The following MIPOL1 variants were observed in gnomAD, a reference collection of about 807,000 sequenced individuals.
MIPOL1 encodes the protein mirror-image polydactyly 1.
In MIPOL1, 57 loss-of-function variants were observed where a neutral mutation model predicts 60.9. The ratio of observed to expected loss-of-function variants is 0.94; its 90% CI spans 0.76 to 1.17. MIPOL1 has a LOEUF of 1.17. MIPOL1 is among the 50% of genes most tolerant of loss of function. The probability of loss-of-function intolerance (pLI) is 0.00; values close to 1 mark genes in which losing one functional copy is unlikely to be tolerated. For synonymous variants in MIPOL1, 179 were observed against 168.8 expected (o/e 1.06, Z -0.47); for missense variants, 551 against 511.6 (o/e 1.08, Z -0.74).
intron 11 of MIPOL1, among the ~76,000 whole-genome samples, chr14:37,465,077 A>G (rs2094582541): frequency 6.6e-6 from 1 of 152,212 alleles, no homozygotes. Context: ...AAATAACTTT[A>G]TAATAAACAT....
chr14:37,225,232 A>G (rs571478095), intron 1 of MIPOL1, among the ~76,000 whole-genome samples: 1 of 152,210 alleles, frequency 6.6e-6, no homozygotes, highest in Admixed American at 6.5e-5. Context: ...GGTCTAGAAG[A>G]TGGTGGCCCT....
At chr14:37,272,766 ATATGT>A (rs771768154) in intron 6 of MIPOL1, among the ~76,000 whole-genome samples, 1 of 151,596 alleles carries the variant, frequency 6.6e-6, no homozygotes, top group Non-Finnish European at 1.5e-5. Context: ...ATTTGGCAAA[ATATGT>A]TATAAGCACG....
At chr14:37,472,838 A>G (rs1219051939) in intron 11 of MIPOL1, among the ~76,000 whole-genome samples, 2 of 152,154 alleles carry the variant, frequency 1.3e-5, no homozygotes, top group Non-Finnish European at 2.9e-5. Flanking sequence ...CCTGCCCAGT[A>G]TGTTTTCTCA....
At chr14:37,434,011 A>G (rs1332614162) in intron 11 of MIPOL1, among the ~76,000 whole-genome samples, 1 of 152,156 alleles carries the variant, frequency 6.6e-6, no homozygotes, top group African/African-American at 2.4e-5. Flanking sequence ...ATGTGTCTTT[A>G]TCATAAAATG....
chr14:37,229,900 CAG>C (rs1262550416), intron 1 of MIPOL1, among the ~76,000 whole-genome samples: 4 of 151,988 alleles, frequency 2.6e-5, no homozygotes, highest in African/African-American at 7.2e-5. Context: ...TGATGGTTAT[CAG>C]GGGCTAAAGG....
At chr14:37,532,405 A>G (rs1042712621) in intron 12 of MIPOL1, among the ~76,000 whole-genome samples, 9 of 152,162 alleles carry the variant, frequency 5.9e-5, no homozygotes, top group Non-Finnish European at 1.2e-4. Context: ...TAATACTAAC[A>G]CTTTAACGCA....
At chr14:37,485,928 T>C (rs976361655) in intron 11 of MIPOL1, among the ~76,000 whole-genome samples, 1 of 152,182 alleles carries the variant, frequency 6.6e-6, no homozygotes, top group African/African-American at 2.4e-5. Flanking sequence ...CTGAATGATA[T>C]TGCCCAAGTT....
intron 7 of MIPOL1, among the ~76,000 whole-genome samples, chr14:37,295,896 G>A (rs1176597491): frequency 5.9e-5 from 9 of 151,966 alleles, no homozygotes; most frequent in South Asian, 2.1e-4. Context: ...ACAGATCAAC[G>A]AGACAGAAAG....
chr14:37,334,177 A>G (rs1371052337), intron 9 of MIPOL1, among the ~76,000 whole-genome samples: 1 of 152,094 alleles, frequency 6.6e-6, no homozygotes, highest in African/African-American at 2.4e-5. Flanking sequence ...GTGTAAATAA[A>G]TTTACTAAAA....
intron 11 of MIPOL1, among the ~76,000 whole-genome samples, chr14:37,471,152 GAGA>G (rs771566520): frequency 6.6e-6 from 1 of 152,198 alleles, no homozygotes; most frequent in Non-Finnish European, 1.5e-5. Context: ...CTTGGGGACA[GAGA>G]AGATTATAGA....
intron 1 of MIPOL1, among the ~76,000 whole-genome samples, chr14:37,237,737 G>A (rs1254219350): frequency 1.3e-5 from 2 of 152,112 alleles, no homozygotes; most frequent in African/African-American, 2.4e-5. Flanking sequence ...CACCCAACTT[G>A]GTGGGTGGTT....
At chr14:37,257,899 C>A (rs886548336) in intron 3 of MIPOL1, among the ~76,000 whole-genome samples, 1 of 152,136 alleles carries the variant, frequency 6.6e-6, no homozygotes, top group East Asian at 1.9e-4. Flanking sequence ...ACAATCCAGA[C>A]GAGAGATGCC....
In MIPOL1 at chr14:37,233,469, A is replaced by C. The variant is rs192373415; in HGVS notation, c.-198-13634A>C. Among the ~76,000 whole-genome samples the C allele has an allele frequency of 2.3e-3, 349 of 152,340 alleles. 2 individuals are homozygous for C. The highest frequency in any genetic ancestry group is 6.2e-4 in the Non-Finnish European group (42 of 68,034). On this transcript the variant is annotated intron_variant, in intron 1 of 12. Coordinates refer to ENST00000684589, the MANE Select transcript of MIPOL1 (RefSeq NM_001388067.1). ...ACATAAGTGTCATCAAGTTCAGGACACTTTTGTTGGTAATGATACCAGCCA... is the reference window on the plus strand; with the variant it reads ...ACATAAGTGTCATCAAGTTCAGGACCCTTTTGTTGGTAATGATACCAGCCA...
chr14:37,407,935 G>A (rs1227820306), intron 10 of MIPOL1, among the ~76,000 whole-genome samples: 1 of 140,470 alleles, frequency 7.1e-6, no homozygotes, highest in Non-Finnish European at 1.5e-5. Context: ...CTGCAACCTG[G>A]AACTCCAGGA....
intron 9 of MIPOL1, among the ~76,000 whole-genome samples, chr14:37,316,043 T>C (rs77909772): frequency 1.7e-5 from 2 of 121,048 alleles, no homozygotes; most frequent in Non-Finnish European, 3.6e-5. Context: ...TTTTTTTTTT[T>C]TGAGACCGAA....
intron 9 of MIPOL1, among the ~76,000 whole-genome samples, chr14:37,339,005 A>C (rs1244496195): frequency 1.3e-5 from 2 of 152,226 alleles, no homozygotes; most frequent in African/African-American, 4.8e-5. Context: ...TTAAAAGTGA[A>C]AGCTCATCAA....
intron 3 of MIPOL1, among the ~76,000 whole-genome samples, chr14:37,264,619 C>A (rs960872347): frequency 2.6e-5 from 4 of 151,286 alleles, no homozygotes; most frequent in African/African-American, 7.3e-5. Flanking sequence ...CGGAGCGAAA[C>A]CCTCTCAAAA....
intron 9 of MIPOL1, among the ~76,000 whole-genome samples, chr14:37,340,952 G>A (rs1330998593): frequency 6.6e-6 from 1 of 151,886 alleles, no homozygotes; most frequent in Non-Finnish European, 1.5e-5. Context: ...CCTTTTCTAT[G>A]TTTAGATGCA....
intron 11 of MIPOL1, chr14:37,423,588 G>T (rs2093912639): frequency 6.6e-6 from 1 of 151,916 alleles, no homozygotes; most frequent in Non-Finnish European, 1.5e-5. Flanking sequence ...TATTCTTACA[G>T]TGGATCATGG....
Sources: allele counts gnomAD v4.1 joint callset (sites outside exome capture counted in the v4.1 genomes callset), GRCh38; gene constraint gnomAD v4.1.1; transcripts MANE v1.5; gene names NCBI Gene and HGNC (gene_info 2026-07-23, HGNC 2026-07-21).